SLC10A2: variants seen among roughly 807,000 people sequenced by gnomAD.
The protein encoded by SLC10A2 is ileal sodium/bile acid cotransporter.
In SLC10A2, 34 loss-of-function variants were observed where a neutral mutation model predicts 27.1. That is an observed-to-expected ratio of 1.26 (90% CI 0.96 to 1.67). The LOEUF (loss-of-function observed/expected upper bound fraction) is 1.67. SLC10A2 is among the 40% of genes most tolerant of loss of function. The pLI is 0.00. For synonymous variants in SLC10A2, 205 were observed against 174.0 expected, an observed-to-expected ratio of 1.18 and a Z score of -1.40; for missense variants, 530 against 444.4, an observed-to-expected ratio of 1.19 and a Z score of -1.73.
In SLC10A2 at chr13:103,046,183, C is replaced by A; in HGVS notation, c.997G>T (p.Glu333Ter). 6.2e-7 allele frequency: 1 copy of A among 1,613,976 alleles called. No homozygotes were observed. Among genetic ancestry groups the A allele is most frequent in the Non-Finnish European group, 8.5e-7 (1 of 1,179,884 alleles). The change falls in exon 6 of 6, where the codon GAG (glutamate) becomes TAG (stop). Residue 333 changes from glutamate to a stop codon, truncating the protein, a stop_gained. Transcript: ENST00000245312. LOFTEE classifies it high-confidence loss of function. The stretch of plus-strand genomic sequence containing the variant: ...CCATTTGCCTTATAAAACGATGACT[C>A]TGGCTCCGTTCCATTTTCTTTGCTC... ...PESKENGTEPESSFYKANGGF... is the reference protein window; with the variant it reads ...PESKENGTEP
At position 103,045,982 on chromosome 13, in the gene SLC10A2, A is replaced by G; in HGVS notation, c.*151T>C. ...CCATTAAAGAATTGGGCCACCAGTC[A>G]CTTGGTACTGAAACCAATACATGAA... On this transcript the variant is annotated 3_prime_UTR_variant, in exon 6 of 6. Transcript: ENST00000245312. 1.2e-6 allele frequency: 1 copy of G among 812,996 alleles called. No homozygotes were observed. Among genetic ancestry groups the G allele is most frequent in the Non-Finnish European group, 2.0e-6 (1 of 503,996 alleles). The allele number at this position is 812,996 out of a possible 1,614,324, so 50.4% of individuals were successfully genotyped here.
chr13:103,054,992 G>A (rs1875901527), intron 2 of SLC10A2, among the ~76,000 whole-genome samples: 1 of 152,116 alleles, frequency 6.6e-6, no homozygotes, highest in Non-Finnish European at 1.5e-5. Flanking sequence ...TTACACAGTA[G>A]ATATCAGAGG....
chr13:103,047,490 T>C (rs1234789069), intron 5 of SLC10A2, among the ~76,000 whole-genome samples: 1 of 151,858 alleles, frequency 6.6e-6, no homozygotes, highest in Non-Finnish European at 1.5e-5. Context: ...TTTATCCCTT[T>C]TTCTTTCCCT....
chr13:103,063,250 C>T (rs143609159), intron 1 of SLC10A2, among the ~76,000 whole-genome samples: 10 of 151,978 alleles, frequency 6.6e-5, no homozygotes, highest in East Asian at 5.8e-4. Context: ...TTGCAAAATG[C>T]GGTGGCTTTC....
At position 103,044,925 on chromosome 13, in the gene SLC10A2, G is replaced by T. The variant is rs943099580; in HGVS notation, c.*1208C>A. ...CTGCTACCGTATATCAGATAGTCCT[G>T]GCTTCCCTTGGCTACACCTACTTAC... On this transcript the variant is annotated 3_prime_UTR_variant, in exon 6 of 6. Coordinates refer to ENST00000245312, the MANE Select transcript of SLC10A2 (RefSeq NM_000452.3). 6.6e-6 allele frequency: 1 copy of T among 152,142 alleles called. No individual in the cohort carries two copies. Among genetic ancestry groups the T allele is most frequent in the African/African-American group, 2.4e-5 (1 of 41,426 alleles). The allele number at this position is 152,142 out of a possible 1,614,324, so 9.4% of individuals were successfully genotyped here.
chr13:103,046,251 G>T lies in SLC10A2; in HGVS notation c.929C>A (p.Ala310Glu), dbSNP rs1875607103. The T allele has an allele frequency of 4.3e-6, 7 of 1,611,452 alleles. No individual in the cohort carries two copies. The African/African-American group carries it at 8.0e-5, about 18-fold the overall frequency. The change falls in exon 6 of 6, where the codon GCA becomes GAA. Residue 310 changes from alanine (A) to glutamate (E), a missense_variant. Transcript: ENST00000245312. ...FAAIFLGFYV[A>E]YKKCHGKNKA... ...GTTTTTTCCATGACATTTCTTGTAT[G>T]CCACATAAACTAGAAAACAATACAC...
chr13:103,062,790 T>C (rs1876163066), intron 1 of SLC10A2, among the ~76,000 whole-genome samples: 1 of 151,920 alleles, frequency 6.6e-6, no homozygotes, highest in Non-Finnish European at 1.5e-5. Flanking sequence ...AAAAGGAATG[T>C]AGAAAGTAGG....
In SLC10A2 at chr13:103,065,958, C is replaced by CG; in HGVS notation, c.291dup (p.Val98ArgfsTer66). 1 of 1,614,144 alleles carries CG rather than the reference C, an allele frequency of 6.2e-7. No homozygotes were observed. Among genetic ancestry groups the CG allele is most frequent in the East Asian group, 2.2e-5 (1 of 44,880 alleles). ...CAGCATCCTATAATGAGCACCACTA[C>CG]GGCCTGGAGCGGGAGGATGTCAAAG... is the stretch of plus-strand genomic sequence containing the variant. On this transcript the variant is annotated frameshift_variant, in exon 1 of 6. Transcript: ENST00000245312. LOFTEE classifies it high-confidence loss of function.
chr13:103,049,531 A>G, intron 4 of SLC10A2, 85 bp from the exon 5 acceptor site: 1 of 1,327,722 alleles, frequency 7.5e-7, no homozygotes, highest in Non-Finnish European at 1.1e-6. Context: ...AAGTACATAT[A>G]TATGCATTAT....
intron 5 of SLC10A2, among the ~76,000 whole-genome samples, chr13:103,048,298 G>A (rs1430843929): frequency 1.3e-5 from 2 of 151,836 alleles, no homozygotes; most frequent in African/African-American, 4.8e-5. Context: ...GGCTGAGGTG[G>A]GAGAATGGCG....
chr13:103,054,861 CTGTT>C (rs940309016), intron 2 of SLC10A2, among the ~76,000 whole-genome samples: 67 of 152,234 alleles, frequency 4.4e-4, no homozygotes, highest in Admixed American at 2.6e-3. Context: ...TCCCCATGCT[CTGTT>C]TGTTTTACGT....
chr13:103,046,128 G>C lies in SLC10A2; in HGVS notation c.*5C>G. The C allele has an allele frequency of 6.2e-7, 1 of 1,613,588 alleles. No homozygotes were observed. Among genetic ancestry groups the C allele is most frequent in the Non-Finnish European group, 8.5e-7 (1 of 1,179,720 alleles). ...TGGAACTCGTCTGTTTTGTCCACTT[G>C]ATGTCTACTTTTCGTCAGGTTGAAA... is the stretch of plus-strand genomic sequence containing the variant. On this transcript the variant is annotated 3_prime_UTR_variant, in exon 6 of 6. Coordinates refer to ENST00000245312, the MANE Select transcript of SLC10A2 (RefSeq NM_000452.3).
intron 5 of SLC10A2, among the ~76,000 whole-genome samples, chr13:103,048,600 A>C (rs933353545): frequency 1.3e-5 from 2 of 152,142 alleles, no homozygotes; most frequent in African/African-American, 4.8e-5. Context: ...ATAGAATGTA[A>C]AAATAGAGGT....
intron 1 of SLC10A2, among the ~76,000 whole-genome samples, chr13:103,059,397 G>C (rs1876035666): frequency 6.6e-6 from 1 of 152,188 alleles, no homozygotes; most frequent in East Asian, 1.9e-4. Context: ...TCCCGAATGG[G>C]AGAAAATTTT....
At chr13:103,062,821 G>A (rs1876164107) in intron 1 of SLC10A2, among the ~76,000 whole-genome samples, 1 of 152,168 alleles carries the variant, frequency 6.6e-6, no homozygotes, top group African/African-American at 2.4e-5. Flanking sequence ...GGAACTGGGG[G>A]CAACTGGGAG....
At chr13:103,059,621 C>T (rs1461507320) in intron 1 of SLC10A2, among the ~76,000 whole-genome samples, 6 of 152,268 alleles carry the variant, frequency 3.9e-5, no homozygotes, top group African/African-American at 1.2e-4. Context: ...CAGTATTAAA[C>T]GATGGGTTAA....
Position 103,044,342 on chromosome 13 carries a change from CCTGT to C in SLC10A2, c.*1787_*1790del. ...GAGTTCTCAGGGTCCCTTTAGTGTA[CCTGT>C]CTATTTTCTGATTGATGGGAAATGT... is the stretch of plus-strand genomic sequence containing the variant. On this transcript the variant is annotated 3_prime_UTR_variant, in exon 6 of 6. Coordinates refer to ENST00000245312, the MANE Select transcript of SLC10A2 (RefSeq NM_000452.3). 6.6e-6 allele frequency: 1 copy of C among 152,080 alleles called. No individual in the cohort carries two copies. The highest frequency in any genetic ancestry group is 1.5e-5 in the Non-Finnish European group (1 of 68,018). The allele number at this position is 152,080 out of a possible 1,614,324, so 9.4% of individuals were successfully genotyped here.
At chr13:103,048,289 G>A (rs934612242) in intron 5 of SLC10A2, among the ~76,000 whole-genome samples, 4 of 151,936 alleles carry the variant, frequency 2.6e-5, no homozygotes, top group Admixed American at 2.0e-4. Context: ...TACTTGGGAG[G>A]CTGAGGTGGG....
At chr13:103,046,629 A>G (rs569407156) in intron 5 of SLC10A2, among the ~76,000 whole-genome samples, 1 of 152,308 alleles carries the variant, frequency 6.6e-6, no homozygotes, top group East Asian at 1.9e-4. Flanking sequence ...GTGCAGTGCA[A>G]CCTCCAGGAC....
Sources: gnomAD v4.1 joint callset for allele counts (sites outside exome capture counted in the v4.1 genomes callset) on GRCh38, gnomAD v4.1.1 for gene constraint, MANE v1.5 for transcripts, NCBI Gene and HGNC (gene_info 2026-07-23, HGNC 2026-07-21) for gene names.